The following GRM3 variants were observed in gnomAD, a reference collection of about 807,000 sequenced individuals.
GRM3 encodes glutamate metabotropic receptor 3.
Under a neutral mutation model 70.5 loss-of-function variants are expected in GRM3, and 26 were observed. The observed-to-expected ratio is 0.37, with a 90% confidence interval of 0.27 to 0.51. The LOEUF (loss-of-function observed/expected upper bound fraction) is 0.51. GRM3 is among the 20% of genes least tolerant of loss of function. The pLI, the probability that GRM3 is intolerant of heterozygous loss-of-function variation, is 0.93. For missense variants in GRM3, 859 were observed against 1,123.8 expected, an observed-to-expected ratio of 0.76 and a Z score of 3.37; for synonymous variants, 443 against 434.9, an observed-to-expected ratio of 1.02 and a Z score of -0.23.
Position 86,740,208 on chromosome 7 carries a change from A to C in GRM3, c.-140-24798A>C, listed in dbSNP as rs575768596. 2.6e-5 allele frequency among the ~76,000 whole-genome samples: 4 copies of C among 152,320 alleles called. No homozygotes were observed. The South Asian group carries it at 6.2e-4, about 24-fold the overall frequency. ...AAAAAAAAAGTTCCATTTGTGAAGT[A>C]ATTAACAAGAGAGGTAGTTAATGAA... On this transcript the variant is annotated intron_variant, in intron 1 of 5. Coordinates refer to ENST00000361669, the MANE Select transcript of GRM3 (RefSeq NM_000840.3).
chr7:86,841,555 G>C (rs1056224993), intron 4 of GRM3, among the ~76,000 whole-genome samples: 1 of 151,628 alleles, frequency 6.6e-6, no homozygotes, highest in African/African-American at 2.4e-5. Flanking sequence ...TTTTTTTTAA[G>C]TTTTTAGGAA....
intron 5 of GRM3, among the ~76,000 whole-genome samples, chr7:86,856,970 T>C (rs1251118962): frequency 6.6e-6 from 1 of 152,042 alleles, no homozygotes; most frequent in Non-Finnish European, 1.5e-5. Context: ...CCCTATCTAC[T>C]AGATACTTTA....
intron 3 of GRM3, among the ~76,000 whole-genome samples, chr7:86,830,861 A>ATGTTTG (rs1401737714): frequency 6.6e-6 from 1 of 152,216 alleles, no homozygotes. Context: ...CCCCAGTCCA[A>ATGTTTG]TATGGCTGGT....
intron 1 of GRM3, among the ~76,000 whole-genome samples, chr7:86,745,546 A>G (rs1484134908): frequency 6.6e-6 from 1 of 152,132 alleles, no homozygotes; most frequent in Non-Finnish European, 1.5e-5. Flanking sequence ...GAGAAGCCAC[A>G]TAGTCTCACT....
intron 1 of GRM3, among the ~76,000 whole-genome samples, chr7:86,673,286 G>A (rs116181652): frequency 0.013 from 2,009 of 152,234 alleles, 39 homozygotes; most frequent in African/African-American, 0.046. Flanking sequence ...GGAAGTAAGT[G>A]TAGCAAGACA....
chr7:86,668,586 G>A (rs540014062), intron 1 of GRM3, among the ~76,000 whole-genome samples: 7 of 152,170 alleles, frequency 4.6e-5, no homozygotes, highest in Admixed American at 2.6e-4. Flanking sequence ...TAATGACCCC[G>A]TCTTTAGAGG....
chr7:86,859,076 G>A (rs1281977932), intron 5 of GRM3, among the ~76,000 whole-genome samples: 1 of 152,004 alleles, frequency 6.6e-6, no homozygotes, highest in African/African-American at 2.4e-5. Flanking sequence ...CGAACTCCTC[G>A]GCTCAAGTCA....
At chr7:86,733,043 G>T (rs879741552) in intron 1 of GRM3, among the ~76,000 whole-genome samples, 24 of 152,228 alleles carry the variant, frequency 1.6e-4, no homozygotes, top group Non-Finnish European at 2.8e-4. Context: ...GGCCGGGCGT[G>T]GTGTCTCACG....
In GRM3 at chr7:86,644,699, C is replaced by A. The variant is rs1018371927; in HGVS notation, c.-314C>A. 30 of 906,350 alleles carry A rather than the reference C, an allele frequency of 3.3e-5. No individual in the cohort carries two copies. The highest frequency in any genetic ancestry group is 4.5e-5 in the Non-Finnish European group (29 of 638,006). 56.1% of individuals were successfully genotyped at this position (906,350 alleles called of 1,614,324 possible). The stretch of plus-strand genomic sequence containing the variant: ...CAGGAAGCTGCGCGCACAAGTTGGC[C>A]ATTTCGAGGGCAAAATAAGTTCTCC... On this transcript the variant is annotated 5_prime_UTR_variant, in exon 1 of 6. Transcript: ENST00000361669.
At chr7:86,736,739 G>C (rs1795870272) in intron 1 of GRM3, among the ~76,000 whole-genome samples, 1 of 152,130 alleles carries the variant, frequency 6.6e-6, no homozygotes, top group South Asian at 2.1e-4. Context: ...CCCACTGGTA[G>C]AATCAGTCAC....
intron 1 of GRM3, among the ~76,000 whole-genome samples, chr7:86,711,595 A>G (rs145370922): frequency 1.5e-3 from 223 of 152,180 alleles, no homozygotes; most frequent in African/African-American, 5.0e-3. Flanking sequence ...ACTGGTCTCT[A>G]TTGGTCTTCA....
At chr7:86,837,267 AG>A (rs1359355731) in intron 3 of GRM3, among the ~76,000 whole-genome samples, 1 of 152,158 alleles carries the variant, frequency 6.6e-6, no homozygotes. Flanking sequence ...TTTTACCAAG[AG>A]CCCAAGTAAT....
At chr7:86,661,721 A>G (rs539109946) in intron 1 of GRM3, among the ~76,000 whole-genome samples, 5 of 152,052 alleles carry the variant, frequency 3.3e-5, no homozygotes, top group Admixed American at 3.3e-4. Flanking sequence ...TTACAGAATA[A>G]AAAACATTTT....
chr7:86,768,922 A>C (rs1324716532), intron 2 of GRM3, among the ~76,000 whole-genome samples: 1 of 152,042 alleles, frequency 6.6e-6, no homozygotes, highest in East Asian at 1.9e-4. Flanking sequence ...AAATAATAAG[A>C]GTTGTTAGGT....
At chr7:86,825,378 A>G (rs1446369294) in intron 3 of GRM3, among the ~76,000 whole-genome samples, 1 of 152,204 alleles carries the variant, frequency 6.6e-6, no homozygotes, top group Non-Finnish European at 1.5e-5. Context: ...CGACGTGTGG[A>G]TATGCTTGAA....
intron 3 of GRM3, among the ~76,000 whole-genome samples, chr7:86,814,648 C>A (rs574709792): frequency 6.6e-6 from 1 of 151,622 alleles, no homozygotes; most frequent in Non-Finnish European, 1.5e-5. Context: ...TGAAGAGGGT[C>A]GAAATTGTTA....
chr7:86,842,418 A>T (rs1436173112), intron 4 of GRM3, among the ~76,000 whole-genome samples: 1 of 152,150 alleles, frequency 6.6e-6, no homozygotes, highest in Non-Finnish European at 1.5e-5. Context: ...ACCCCTGAAG[A>T]CAGAGCACTC....
intron 1 of GRM3, among the ~76,000 whole-genome samples, chr7:86,683,954 C>T (rs1194542500): frequency 1.3e-5 from 2 of 152,124 alleles, no homozygotes; most frequent in Non-Finnish European, 2.9e-5. Flanking sequence ...ATTATCACAA[C>T]AGAATGTAAT....
chr7:86,861,262 C>G (rs1584285159), intron 5 of GRM3, among the ~76,000 whole-genome samples: 1 of 152,140 alleles, frequency 6.6e-6, no homozygotes, highest in Non-Finnish European at 1.5e-5. Flanking sequence ...CTTCTTGAAA[C>G]TTCCATTGGT....
Sources: allele counts gnomAD v4.1 joint callset (sites outside exome capture counted in the v4.1 genomes callset), GRCh38; gene constraint gnomAD v4.1.1; transcripts MANE v1.5; gene names NCBI Gene and HGNC (gene_info 2026-07-23, HGNC 2026-07-21).